The following LRRC3C variants were observed in gnomAD, a reference collection of about 807,000 sequenced individuals.
LRRC3C encodes leucine-rich repeat-containing protein 3C.
A neutral mutation model predicts 14.8 loss-of-function variants in LRRC3C; 11 were observed. The ratio of observed to expected loss-of-function variants is 0.74; its 90% CI spans 0.47 to 1.23. LRRC3C has a LOEUF of 1.23. LRRC3C is among the 50% of genes most tolerant of loss of function. The probability of loss-of-function intolerance (pLI) is 0.00; values close to 1 mark genes in which losing one functional copy is unlikely to be tolerated. For synonymous variants in LRRC3C, 149 were observed against 161.5 expected, an observed-to-expected ratio of 0.92 and a Z score of 0.59; for missense variants, 354 against 361.8, an observed-to-expected ratio of 0.98 and a Z score of 0.18.
chr17:39,939,624 T>C (rs1010989386), intron 2 of LRRC3C: 3 of 153,384 alleles, frequency 2.0e-5, no homozygotes, highest in African/African-American at 7.2e-5. Context: ...ACCCTGTCTA[T>C]GTCCCCTTCA....
At chr17:39,933,497 G>A (rs1451215911) in intron 1 of LRRC3C, among the ~76,000 whole-genome samples, 1 of 152,216 alleles carries the variant, frequency 6.6e-6, no homozygotes, top group African/African-American at 2.4e-5. Flanking sequence ...CACTTTGGGA[G>A]GCCGAGGCGG....
chr17:39,929,883 C>T (rs1212570325), intron 1 of LRRC3C, among the ~76,000 whole-genome samples: 1 of 152,128 alleles, frequency 6.6e-6, no homozygotes, highest in African/African-American at 2.4e-5. Flanking sequence ...GGAATGTTTG[C>T]TAAGTTATAT....
chr17:39,943,972 G>A lies in LRRC3C; in HGVS notation c.66G>A (p.Met22Ile). Reference sequence around the variant, plus strand: ...CAGGACTATGCCAATTTATGGCCATGCTCCCAACAGCAGGTCACCTCCTGC... The same window carrying A: ...CAGGACTATGCCAATTTATGGCCATACTCCCAACAGCAGGTCACCTCCTGC... Reference protein sequence around the residue: ...CTPGLCQFMAMLPTAGHLLPL... With the variant: ...CTPGLCQFMAILPTAGHLLPL... The change falls in exon 4 of 4, where the codon ATG (methionine) becomes ATA (isoleucine). Residue 22 changes from methionine to isoleucine, a missense_variant. Physicochemically the swap from Met to Ile is conservative, Grantham distance 10. Coordinates refer to ENST00000377924, the MANE Select transcript of LRRC3C (RefSeq NM_001195545.2). 6.5e-7 allele frequency: 1 copy of A among 1,536,108 alleles called. No homozygotes were observed. The highest frequency in any genetic ancestry group is 8.7e-7 in the Non-Finnish European group (1 of 1,146,882).
chr17:39,928,514 A>G (rs1212990427), intron 1 of LRRC3C, among the ~76,000 whole-genome samples: 2 of 152,246 alleles, frequency 1.3e-5, no homozygotes, highest in African/African-American at 4.8e-5. Flanking sequence ...GTAGGAATCT[A>G]CTTAATATTA....
intron 2 of LRRC3C, among the ~76,000 whole-genome samples, chr17:39,938,231 T>C (rs2144763803): frequency 6.6e-6 from 1 of 152,318 alleles, no homozygotes; most frequent in Admixed American, 6.5e-5. Flanking sequence ...TGCAGCCAAG[T>C]TGAGAAGCAC....
intron 2 of LRRC3C, among the ~76,000 whole-genome samples, chr17:39,937,346 G>T (rs1453620908): frequency 2.6e-5 from 4 of 152,092 alleles, no homozygotes; most frequent in Non-Finnish European, 5.9e-5. Context: ...TGAGGCAGGA[G>T]AATCGCCTGA....
chr17:39,940,989 C>T (rs906978114), intron 2 of LRRC3C, among the ~76,000 whole-genome samples: 6 of 151,966 alleles, frequency 3.9e-5, no homozygotes, highest in Admixed American at 2.0e-4. Context: ...AGTGATCCAC[C>T]CACCTCGGCC....
chr17:39,930,241 G>A (rs1486877212), intron 1 of LRRC3C, among the ~76,000 whole-genome samples: 3 of 128,380 alleles, frequency 2.3e-5, no homozygotes, highest in Non-Finnish European at 4.7e-5. Context: ...TCGTGCCAGT[G>A]CATTCCAGTC....
chr17:39,943,642 A>G (rs1978994792), intron 3 of LRRC3C, among the ~76,000 whole-genome samples: 1 of 152,216 alleles, frequency 6.6e-6, no homozygotes, highest in South Asian at 2.1e-4. Flanking sequence ...AGAAACCCCC[A>G]GACCCAGAAT....
At chr17:39,930,007 G>T (rs904521730) in intron 1 of LRRC3C, among the ~76,000 whole-genome samples, 4 of 151,996 alleles carry the variant, frequency 2.6e-5, no homozygotes, top group African/African-American at 9.7e-5. Flanking sequence ...AATAAAACTG[G>T]GGCCAGGTAT....
chr17:39,932,337 T>A (rs1295002798), intron 1 of LRRC3C, among the ~76,000 whole-genome samples: 2 of 152,218 alleles, frequency 1.3e-5, no homozygotes, highest in African/African-American at 4.8e-5. Context: ...GTGTTGCCTT[T>A]TATTAATTCA....
chr17:39,932,439 C>G (rs1598291731), intron 1 of LRRC3C, among the ~76,000 whole-genome samples: 1 of 152,050 alleles, frequency 6.6e-6, no homozygotes, highest in South Asian at 2.1e-4. Context: ...CACTGTGGCT[C>G]AAGCCTGTAA....
At chr17:39,930,145 T>C (rs1978604653) in intron 1 of LRRC3C, among the ~76,000 whole-genome samples, 1 of 149,730 alleles carries the variant, frequency 6.7e-6, no homozygotes, top group African/African-American at 2.5e-5. Flanking sequence ...TTGGGCATGG[T>C]GGTGTGTCTA....
In LRRC3C at chr17:39,944,247, C is replaced by T. The variant is rs1431596196; in HGVS notation, c.341C>T (p.Ala114Val). The T allele has an allele frequency of 2.0e-6, 3 of 1,534,880 alleles. No individual in the cohort carries two copies. The highest frequency in any genetic ancestry group is 2.0e-5 in the Admixed American group (1 of 50,806). The change falls in exon 4 of 4, where the codon GCC becomes GTC. Residue 114 changes from alanine to valine, a missense_variant. Physicochemically the swap from Ala to Val is moderately conservative, Grantham distance 64. Coordinates refer to ENST00000377924, the MANE Select transcript of LRRC3C (RefSeq NM_001195545.2). ...VLEELDLSHN[A>V]LAHLSGAAFQ... ...GAGGAGTTGGATCTGTCCCATAATG[C>T]CCTTGCCCACCTCTCAGGGGCGGCT...
chr17:39,939,985 A>G (rs1281041642), intron 2 of LRRC3C, among the ~76,000 whole-genome samples: 1 of 152,214 alleles, frequency 6.6e-6, no homozygotes, highest in Non-Finnish European at 1.5e-5. Flanking sequence ...CCAGTGTGAG[A>G]GAGGAACAGG....
At chr17:39,940,513 AG>A (rs2144765336) in intron 2 of LRRC3C, among the ~76,000 whole-genome samples, 1 of 152,274 alleles carries the variant, frequency 6.6e-6, no homozygotes, top group East Asian at 1.9e-4. Flanking sequence ...CCCAGGCTCA[AG>A]CCATCCTCCT....
rs1418487148 is a variant in LRRC3C, at chr17:39,944,038, C to G, written c.132C>G (p.Ser44Arg). The G allele has an allele frequency of 1.3e-6, 2 of 1,535,982 alleles. No homozygotes were observed. Among genetic ancestry groups the G allele is most frequent in the East Asian group, 2.4e-5 (1 of 40,926 alleles). Residue 44 changes from serine to arginine, a missense_variant, in exon 4 of 4, where the codon AGC (serine) becomes AGG (arginine). By Grantham distance (110) the Ser-to-Arg change is moderately radical. Transcript: ENST00000377924. ...TAGGCACAGGGGGTACTGTGCCCAG[C>G]CCCCAGGTGCCTCCCCGGGGCTGTT... ...LVIGTGGTVP[S>R]PQVPPRGCYV...
chr17:39,937,791 T>G (rs949092605), intron 2 of LRRC3C, among the ~76,000 whole-genome samples: 3 of 152,210 alleles, frequency 2.0e-5, no homozygotes, highest in African/African-American at 7.2e-5. Flanking sequence ...CAAATAATGA[T>G]TCTTACCCTA....
chr17:39,935,495 A>G (rs540862377), intron 1 of LRRC3C, among the ~76,000 whole-genome samples: 1 of 152,234 alleles, frequency 6.6e-6, no homozygotes, highest in East Asian at 1.9e-4. Flanking sequence ...CTACACAAAA[A>G]TACAAAAGTT....
Sources: allele counts gnomAD v4.1 joint callset (sites outside exome capture counted in the v4.1 genomes callset), GRCh38; gene constraint gnomAD v4.1.1; transcripts MANE v1.5; gene names NCBI Gene and HGNC (gene_info 2026-07-23, HGNC 2026-07-21).